The following PPFIA2 variants were observed in gnomAD, a reference collection of about 807,000 sequenced individuals.
The protein encoded by PPFIA2 is PPFI scaffold protein A2, also known as liprin-alpha-2.
A neutral mutation model predicts 175.5 loss-of-function variants in PPFIA2; 46 were observed. The ratio of observed to expected loss-of-function variants is 0.26; its 90% CI spans 0.21 to 0.34. PPFIA2 has a LOEUF of 0.34. Ranked by LOEUF, PPFIA2 falls within the 10% of genes least tolerant of loss-of-function variation. The probability of loss-of-function intolerance (pLI) is 1.00; values close to 1 mark genes in which losing one functional copy is unlikely to be tolerated. For synonymous variants in PPFIA2, 568 were observed against 511.4 expected (o/e 1.11, Z -1.49); for missense variants, 1,179 against 1,506.1 (o/e 0.78, Z 3.60).
rs182906786 is a variant in PPFIA2 at position 81,735,084 on chromosome 12, T to C, written c.249+18889A>G. Among the ~76,000 whole-genome samples the C allele has an allele frequency of 1.6e-3, 244 of 151,986 alleles. 2 individuals carry two copies. Among genetic ancestry groups the C allele is most frequent in the Admixed American group, 0.016 (239 of 15,222 alleles). On this transcript the variant is annotated intron_variant, in intron 3 of 32. Coordinates refer to ENST00000549396, the MANE Select transcript of PPFIA2 (RefSeq NM_003625.5). ...CCTGAGGGATATTTGTTATTATGAA[T>C]AATGCTGCTATGAACATTTGTGAAC... is the stretch of plus-strand genomic sequence containing the variant.
At chr12:81,642,029 T>A (rs1487384532) in intron 4 of PPFIA2, among the ~76,000 whole-genome samples, 1 of 152,200 alleles carries the variant, frequency 6.6e-6, no homozygotes, top group African/African-American at 2.4e-5. Context: ...GACACAATTC[T>A]AGTTATCCAA....
intron 7 of PPFIA2, among the ~76,000 whole-genome samples, chr12:81,422,116 A>G (rs999557489): frequency 4.2e-5 from 6 of 141,612 alleles, no homozygotes; most frequent in Admixed American, 2.8e-4. Flanking sequence ...ATATATGTGT[A>G]TATATATGTG....
chr12:81,656,071 C>T (rs2067745948), intron 4 of PPFIA2, among the ~76,000 whole-genome samples: 2 of 151,864 alleles, frequency 1.3e-5, no homozygotes, highest in Non-Finnish European at 1.5e-5. Flanking sequence ...GTTATGTAGG[C>T]TTTTTAGTTA....
chr12:81,467,910 A>G (rs539124539), intron 4 of PPFIA2, among the ~76,000 whole-genome samples: 1 of 152,100 alleles, frequency 6.6e-6, no homozygotes, highest in South Asian at 2.1e-4. Flanking sequence ...TGAAGCTCCC[A>G]CCTCACCCTT....
rs60560777 is a variant in PPFIA2 at position 81,386,120 on chromosome 12, T to TAA, written c.763-1878_763-1877dup. Among the ~76,000 whole-genome samples the TAA allele has an allele frequency of 9.3e-5, 13 of 139,824 alleles. No homozygotes were observed. In the East Asian group the frequency reaches 1.5e-3, roughly 16 times the overall value. 91.7% of individuals were successfully genotyped at this position (139,824 alleles called of 152,430 possible). On this transcript the variant is annotated intron_variant, in intron 8 of 32. Transcript: ENST00000549396. ...CAAGGCCTCATTTCTAGAAAAAAATTAAAAAAAAAAAATAGGGTGTGGTGG... is the reference window on the plus strand; with the variant it reads ...CAAGGCCTCATTTCTAGAAAAAAATTAAAAAAAAAAAAAATAGGGTGTGGTGG...
intron 19 of PPFIA2, among the ~76,000 whole-genome samples, chr12:81,342,404 T>C (rs1428479846): frequency 6.6e-6 from 1 of 152,026 alleles, no homozygotes; most frequent in Non-Finnish European, 1.5e-5. Flanking sequence ...TAGGGAAATA[T>C]TTTGTTTGTT....
intron 4 of PPFIA2, among the ~76,000 whole-genome samples, chr12:81,487,096 T>C (rs962674389): frequency 3.9e-5 from 6 of 151,962 alleles, no homozygotes; most frequent in Non-Finnish European, 5.9e-5. Flanking sequence ...TGATCATGCA[T>C]AGCACAGTGT....
intron 4 of PPFIA2, among the ~76,000 whole-genome samples, chr12:81,475,838 A>G (rs1408372695): frequency 2.0e-5 from 3 of 152,128 alleles, no homozygotes; most frequent in Admixed American, 1.3e-4. Flanking sequence ...CAGCCTCCAG[A>G]GTAGCTGGGA....
intron 15 of PPFIA2, among the ~76,000 whole-genome samples, chr12:81,358,427 T>C (rs912568570): frequency 6.6e-6 from 1 of 152,180 alleles, no homozygotes; most frequent in Non-Finnish European, 1.5e-5. Context: ...GAAAGTCAAG[T>C]GCACTTTCTT....
At chr12:81,449,974 C>A (rs1338206762) in intron 5 of PPFIA2, among the ~76,000 whole-genome samples, 14 of 152,102 alleles carry the variant, frequency 9.2e-5, no homozygotes, top group Non-Finnish European at 1.6e-4. Context: ...TGGACTCATC[C>A]TTTTTTATGG....
intron 3 of PPFIA2, among the ~76,000 whole-genome samples, chr12:81,753,150 G>T (rs896867555): frequency 2.0e-5 from 3 of 152,010 alleles, no homozygotes; most frequent in Non-Finnish European, 2.9e-5. Flanking sequence ...GCCCAGGCTG[G>T]TCTCGAACTC....
At chr12:81,562,846 CAAAAA>C (rs11475809) in intron 4 of PPFIA2, among the ~76,000 whole-genome samples, 56 of 29,576 alleles carry the variant, frequency 1.9e-3, no homozygotes, top group African/African-American at 8.2e-3. Flanking sequence ...GACTCTGTCT[CAAAAA>C]AAAAAAAAAA....
intron 4 of PPFIA2, among the ~76,000 whole-genome samples, chr12:81,642,593 T>A (rs1219988955): frequency 7.2e-6 from 1 of 138,482 alleles, no homozygotes; most frequent in Non-Finnish European, 1.6e-5. Context: ...TAATAATATA[T>A]GTAATATATA....
chr12:81,295,353 C>T (rs981248207), intron 23 of PPFIA2, among the ~76,000 whole-genome samples: 4 of 152,106 alleles, frequency 2.6e-5, no homozygotes, highest in Non-Finnish European at 5.9e-5. Flanking sequence ...TATGTAGGGA[C>T]CAGAACGGCT....
intron 4 of PPFIA2, among the ~76,000 whole-genome samples, chr12:81,584,795 A>G (rs1001427422): frequency 7.5e-6 from 1 of 133,564 alleles, no homozygotes; most frequent in Non-Finnish European, 1.5e-5. Context: ...CATTATATAT[A>G]ATATATATAT....
intron 3 of PPFIA2, among the ~76,000 whole-genome samples, chr12:81,694,306 G>T (rs1035534378): frequency 6.6e-6 from 1 of 152,128 alleles, no homozygotes; most frequent in African/African-American, 2.4e-5. Flanking sequence ...CAGGCCTGGA[G>T]ACCTAGGAAG....
At chr12:81,265,461 T>C (rs2036976514) in intron 30 of PPFIA2, among the ~76,000 whole-genome samples, 1 of 152,148 alleles carries the variant, frequency 6.6e-6, no homozygotes, top group Non-Finnish European at 1.5e-5. Flanking sequence ...ATTCTTTTAA[T>C]TGGGGTCAAA....
chr12:81,439,615 C>G (rs1407944559), intron 7 of PPFIA2, among the ~76,000 whole-genome samples: 3 of 152,094 alleles, frequency 2.0e-5, no homozygotes, highest in Non-Finnish European at 4.4e-5. Flanking sequence ...AAGGAGTTCA[C>G]TTTTATTTGT....
chr12:81,540,378 T>C (rs1166697794), intron 4 of PPFIA2, among the ~76,000 whole-genome samples: 3 of 152,172 alleles, frequency 2.0e-5, no homozygotes, highest in South Asian at 4.1e-4. Flanking sequence ...TCAGAGTTTC[T>C]GCATGTTTAA....
Sources: allele counts gnomAD v4.1 joint callset (sites outside exome capture counted in the v4.1 genomes callset), GRCh38; gene constraint gnomAD v4.1.1; transcripts MANE v1.5; gene names NCBI Gene and HGNC (gene_info 2026-07-23, HGNC 2026-07-21).